The following TYW1 variants were observed in gnomAD, a reference collection of about 807,000 sequenced individuals.
TYW1 encodes the protein S-adenosyl-L-methionine-dependent tRNA 4-demethylwyosine synthase TYW1.
TYW1 carries 46 observed loss-of-function variants against 96.2 expected under a neutral mutation model. That is an observed-to-expected ratio of 0.48 (90% CI 0.38 to 0.61). The LOEUF (loss-of-function observed/expected upper bound fraction) is 0.61, where lower values mean the gene tolerates loss of function less well. Among genes scored for constraint, TYW1 ranks in the 20% least tolerant of loss-of-function variants. TYW1 has a pLI of 0.00. For synonymous variants in TYW1, 274 were observed against 323.0 expected, an observed-to-expected ratio of 0.85 and a Z score of 1.63; for missense variants, 684 against 909.6, an observed-to-expected ratio of 0.75 and a Z score of 3.19.
chr7:67,138,830 G>A (rs1473230213), intron 13 of TYW1, among the ~76,000 whole-genome samples: 2 of 151,852 alleles, frequency 1.3e-5, no homozygotes, highest in East Asian at 3.8e-4. Flanking sequence ...TGGGTGAATA[G>A]TACTCCATTA....
chr7:67,024,675 G>A (rs1295494264), intron 6 of TYW1, among the ~76,000 whole-genome samples: 1 of 151,954 alleles, frequency 6.6e-6, no homozygotes. Context: ...TAGCTACTTG[G>A]GAGGCTGAGG....
chr7:67,014,121 C>T (rs908700965), intron 4 of TYW1, among the ~76,000 whole-genome samples: 6 of 152,176 alleles, frequency 3.9e-5, no homozygotes, highest in East Asian at 1.9e-4. Flanking sequence ...GTCTGGATAA[C>T]GGAATGGCGT....
chr7:67,149,958 A>G (rs1044372861), intron 13 of TYW1, among the ~76,000 whole-genome samples: 1 of 151,962 alleles, frequency 6.6e-6, no homozygotes, highest in South Asian at 2.1e-4. Flanking sequence ...TTAAAGATTT[A>G]TGTCACCAGA....
intron 13 of TYW1, among the ~76,000 whole-genome samples, chr7:67,143,393 G>C (rs934022104): frequency 6.6e-6 from 1 of 152,160 alleles, no homozygotes; most frequent in African/African-American, 2.4e-5. Context: ...GACTTAAAAC[G>C]TAGTGTTATT....
intron 12 of TYW1, among the ~76,000 whole-genome samples, chr7:67,111,360 C>T (rs1797400724): frequency 6.6e-6 from 1 of 152,118 alleles, no homozygotes; most frequent in Admixed American, 6.6e-5. Context: ...TGTGGCACTC[C>T]TGGCTAATTT....
At chr7:67,073,802 G>T (rs1021696660) in intron 10 of TYW1, among the ~76,000 whole-genome samples, 1 of 142,674 alleles carries the variant, frequency 7.0e-6, no homozygotes, top group Admixed American at 7.1e-5. Flanking sequence ...AAGAAATATG[G>T]CCAGGCGCGG....
chr7:67,207,283 T>G (rs1263337752), intron 15 of TYW1, among the ~76,000 whole-genome samples: 1 of 152,216 alleles, frequency 6.6e-6, no homozygotes, highest in African/African-American at 2.4e-5. Context: ...CCCCCTTTCC[T>G]TCATCCGCTT....
At chr7:67,053,356 C>G (rs907413238) in intron 8 of TYW1, among the ~76,000 whole-genome samples, 3 of 150,034 alleles carry the variant, frequency 2.0e-5, no homozygotes, top group Non-Finnish European at 4.4e-5. Context: ...CTCTCTCCCT[C>G]TTTTCATTTG....
intron 3 of TYW1, among the ~76,000 whole-genome samples, chr7:67,004,419 C>T (rs2035550404): frequency 2.0e-5 from 3 of 152,020 alleles, no homozygotes; most frequent in South Asian, 4.1e-4. Context: ...CCTGGAACCT[C>T]TCCTGCACTC....
chr7:67,182,660 C>T (rs1799877561), intron 13 of TYW1, among the ~76,000 whole-genome samples: 2 of 152,138 alleles, frequency 1.3e-5, no homozygotes, highest in Non-Finnish European at 1.5e-5. Flanking sequence ...TTTCTGCCAG[C>T]AAGAAATGCC....
chr7:67,044,294 C>T (rs1795120112), intron 7 of TYW1, among the ~76,000 whole-genome samples: 1 of 151,950 alleles, frequency 6.6e-6, no homozygotes, highest in Non-Finnish European at 1.5e-5. Flanking sequence ...AGATGGGTTT[C>T]ATCATGTTGG....
intron 15 of TYW1, among the ~76,000 whole-genome samples, chr7:67,222,365 T>G (rs1801420496): frequency 6.6e-6 from 1 of 152,246 alleles, no homozygotes; most frequent in Non-Finnish European, 1.5e-5. Flanking sequence ...CCATTTAGCA[T>G]TTCTTACAGG....
At chr7:67,080,046 C>T (rs1796332985) in intron 10 of TYW1, among the ~76,000 whole-genome samples, 1 of 152,136 alleles carries the variant, frequency 6.6e-6, no homozygotes, top group Admixed American at 6.6e-5. Flanking sequence ...ATCGTGTATT[C>T]TGCAGGTGTA....
chr7:67,200,251 C>T (rs970971930), intron 15 of TYW1, among the ~76,000 whole-genome samples: 2 of 152,020 alleles, frequency 1.3e-5, no homozygotes, highest in Non-Finnish European at 2.9e-5. Flanking sequence ...ATACAGAGGG[C>T]TGGGTACTCT....
At chr7:67,059,347 C>T (rs1427849664) in intron 9 of TYW1, among the ~76,000 whole-genome samples, 2 of 151,836 alleles carry the variant, frequency 1.3e-5, no homozygotes, top group African/African-American at 4.8e-5. Flanking sequence ...TCGTGATCCA[C>T]CTACCTTGGT....
At chr7:67,160,565 T>C (rs557363966) in intron 13 of TYW1, among the ~76,000 whole-genome samples, 3 of 139,458 alleles carry the variant, frequency 2.2e-5, no homozygotes, top group Non-Finnish European at 4.7e-5. Context: ...TACATATACA[T>C]ATACACACAT....
intron 7 of TYW1, among the ~76,000 whole-genome samples, chr7:67,044,023 T>G (rs556845437): frequency 1.3e-5 from 2 of 152,224 alleles, no homozygotes; most frequent in South Asian, 4.2e-4. Flanking sequence ...TTTAATTTTT[T>G]ACTGTGATTC....
chr7:67,092,808 G>A (rs78363397), intron 11 of TYW1, among the ~76,000 whole-genome samples: 6,033 of 146,578 alleles, frequency 0.041, 178 homozygotes, highest in Middle Eastern at 0.099. Context: ...TCAGCCTCCC[G>A]AATAGCTGGG....
intron 15 of TYW1, among the ~76,000 whole-genome samples, chr7:67,235,893 C>CA (rs548873963): frequency 0.03 from 2,082 of 69,268 alleles, 65 homozygotes; most frequent in Non-Finnish European, 0.037. Context: ...GACTCTGTCT[C>CA]AAAAAAAAAA....
Sources: gnomAD v4.1 joint callset for allele counts (sites outside exome capture counted in the v4.1 genomes callset) on GRCh38, gnomAD v4.1.1 for gene constraint, MANE v1.5 for transcripts, NCBI Gene and HGNC (gene_info 2026-07-23, HGNC 2026-07-21) for gene names.